PCDHGB1: variants seen among roughly 807,000 people sequenced by gnomAD.
PCDHGB1 encodes protocadherin gamma-B1.
In PCDHGB1, 34 loss-of-function variants were observed where a neutral mutation model predicts 56.6. The ratio of observed to expected loss-of-function variants is 0.60; its 90% CI spans 0.46 to 0.80. The LOEUF (loss-of-function observed/expected upper bound fraction) is 0.80. PCDHGB1 is among the 30% of genes least tolerant of loss of function. The pLI is 0.00. For missense variants in PCDHGB1, 1,278 were observed against 1,204.6 expected, an observed-to-expected ratio of 1.06 and a Z score of -0.90; for synonymous variants, 561 against 505.9, an observed-to-expected ratio of 1.11 and a Z score of -1.46.
Position 141,450,006 on chromosome 5 carries a change from C to CTATTTTTT in PCDHGB1, c.2410-44800_2410-44799insATTTTTTT, listed in dbSNP as rs70988802. Among the ~76,000 whole-genome samples the CTATTTTTT allele has an allele frequency of 4.4e-4, 58 of 132,942 alleles. 2 individuals carry two copies. The highest frequency in any genetic ancestry group is 8.4e-4 in the African/African-American group (30 of 35,608). The allele number at this position is 132,942 out of a possible 152,430, so 87.2% of individuals were successfully genotyped here. A position where few individuals can be genotyped will look rare whatever the true frequency, so the allele number is the denominator to read the frequency against. ...CACATTGCATTTAGTTGCCATGTCT[C>CTATTTTTT]TTTTTTTTTTTTTTTTTTGAGACAG... On this transcript the variant is annotated intron_variant, in intron 1 of 3. Coordinates refer to ENST00000523390, the MANE Select transcript of PCDHGB1 (RefSeq NM_018922.3).
At chr5:141,465,337 G>GCC (rs2099101328) in intron 1 of PCDHGB1, among the ~76,000 whole-genome samples, 6 of 151,962 alleles carry the variant, frequency 3.9e-5, no homozygotes, top group Admixed American at 2.6e-4. Flanking sequence ...TTTTTATATT[G>GCC]GTTACTGAAG....
intron 1 of PCDHGB1, chr5:141,371,080 G>A: frequency 1.2e-6 from 2 of 1,613,876 alleles, no homozygotes; most frequent in Non-Finnish European, 1.7e-6. Flanking sequence ...ACCCAGATCA[G>A]GGTAATTGTC....
chr5:141,505,583 T>A, intron 3 of PCDHGB1, 102 bp downstream of exon 3: 1 of 1,583,650 alleles, frequency 6.3e-7, no homozygotes, highest in Non-Finnish European at 8.6e-7. Context: ...ACCTGTGTAG[T>A]TTCTCCAGAT....
chr5:141,406,186 C>T (rs1263856724), intron 1 of PCDHGB1, among the ~76,000 whole-genome samples: 2 of 151,978 alleles, frequency 1.3e-5, no homozygotes, highest in South Asian at 2.1e-4. Context: ...AATCCTCCCA[C>T]CTCAGCCTTC....
At chr5:141,509,143 C>T (rs1022878562) in intron 3 of PCDHGB1, among the ~76,000 whole-genome samples, 9 of 152,138 alleles carry the variant, frequency 5.9e-5, no homozygotes, top group Non-Finnish European at 1.0e-4. Flanking sequence ...AGGCGCATCC[C>T]GGCTCTCCCC....
chr5:141,447,689 AG>A lies in PCDHGB1; in HGVS notation c.2410-47115del, dbSNP rs145694922. ...TTAGAACTGTTCCATATCTTGATAGAGGGATGGGTTATAAGGATGTACACAT... is the reference window on the plus strand; with the variant it reads ...TTAGAACTGTTCCATATCTTGATAGAGGATGGGTTATAAGGATGTACACAT... On this transcript the variant is annotated intron_variant, in intron 1 of 3. Coordinates refer to ENST00000523390, the MANE Select transcript of PCDHGB1 (RefSeq NM_018922.3). Among the ~76,000 whole-genome samples the A allele has an allele frequency of 4.6e-3, 694 of 152,302 alleles. 4 individuals are homozygous for A. The highest frequency in any genetic ancestry group is 0.015 in the African/African-American group (633 of 41,566).
chr5:141,350,497 G>A lies in PCDHGB1; in HGVS notation c.237G>A (p.Gly79=). Reference sequence around the variant, plus strand: ...ATTTCAACGTTAGTTTGGAGAGCGGGGATTTGTTAGTGAACGGTAGGATAG... The same window carrying A: ...ATTTCAACGTTAGTTTGGAGAGCGGAGATTTGTTAGTGAACGGTAGGATAG... The part of the protein sequence containing the change: ...EDYFNVSLES[G]DLLVNGRIDR... The change falls in exon 1 of 4, where the codon GGG becomes GGA. Residue 79 remains glycine (G), a synonymous_variant. Coordinates refer to ENST00000523390, the MANE Select transcript of PCDHGB1 (RefSeq NM_018922.3). The A allele has an allele frequency of 6.2e-7, 1 of 1,613,990 alleles. No individual in the cohort carries two copies. The highest frequency in any genetic ancestry group is 8.5e-7 in the Non-Finnish European group (1 of 1,179,902).
At chr5:141,365,868 T>TC (rs764390051) in intron 1 of PCDHGB1, 1 of 1,614,024 alleles carries the variant, frequency 6.2e-7, no homozygotes, top group East Asian at 2.2e-5. Flanking sequence ...GACACCGGTG[T>TC]CCTGTATGCT....
rs766042374 is a variant in PCDHGB1 at position 141,418,520 on chromosome 5, C to A, written c.2409+65851C>A. ...GACCGCCTTAGATGGTGGGGACCCTCCCCGAAGCGGTACTGCTCAGATAAG... is the reference window on the plus strand; with the variant it reads ...GACCGCCTTAGATGGTGGGGACCCTACCCGAAGCGGTACTGCTCAGATAAG... On this transcript the variant is annotated intron_variant, in intron 1 of 3. Transcript: ENST00000523390. 6 of 1,613,818 alleles carry A rather than the reference C, an allele frequency of 3.7e-6. No individual in the cohort carries two copies. The highest frequency in any genetic ancestry group is 5.1e-6 in the Non-Finnish European group (6 of 1,179,890).
Position 141,352,371 on chromosome 5 carries a change from T to A in PCDHGB1, c.2111T>A (p.Ile704Asn), listed in dbSNP as rs756115221. The change falls in exon 1 of 4, where the codon ATT (isoleucine) becomes AAT (asparagine). Residue 704 changes from isoleucine (I) to asparagine (N), a missense_variant. Transcript: ENST00000523390. Reference protein sequence around the residue: ...LISVLFLLAVILAIALRLRRS... With the variant: ...LISVLFLLAVNLAIALRLRRS... ...TCAGTGCTCTTTCTCCTCGCGGTGA[T>A]TCTAGCGATCGCCCTGCGCCTGCGA... 3 of 1,613,942 alleles carry A rather than the reference T, an allele frequency of 1.9e-6. No homozygotes were observed. The Admixed American group carries it at 5.0e-5, about 27-fold the overall frequency.
intron 1 of PCDHGB1, among the ~76,000 whole-genome samples, chr5:141,471,996 G>A (rs2099268647): frequency 6.6e-6 from 1 of 152,006 alleles, no homozygotes; most frequent in Admixed American, 6.6e-5. Context: ...AAAAATCCCT[G>A]CATCGTATAG....
In PCDHGB1 at chr5:141,422,867, T is replaced by C. The variant is rs116031289; in HGVS notation, c.2409+70198T>C. On this transcript the variant is annotated intron_variant, in intron 1 of 3. Coordinates refer to ENST00000523390, the MANE Select transcript of PCDHGB1 (RefSeq NM_018922.3). Reference sequence around the variant, plus strand: ...GGGGACCCGCCCCTCAGCAGCAACGTGTCGCTGAGCCTGTTCGTGCTGGAC... The same window carrying C: ...GGGGACCCGCCCCTCAGCAGCAACGCGTCGCTGAGCCTGTTCGTGCTGGAC... 1.5e-3 allele frequency: 2,464 copies of C among 1,614,218 alleles called. 37 individuals are homozygous for C. In the African/African-American group the frequency reaches 0.029, roughly 19 times the overall value.
rs372168887 is a variant in PCDHGB1, at chr5:141,477,322, C to T, written c.2410-17485C>T. On this transcript the variant is annotated intron_variant, in intron 1 of 3. Transcript: ENST00000523390. The surrounding 1 kb of genome is among the most constrained non-coding windows in gnomAD (Gnocchi z 4.9). The stretch of plus-strand genomic sequence containing the variant: ...GTCTCCCTTTCAGCCTTACTTCTTC[C>T]CTCAAGAATTACTTCACTTTGAAAA... 17 of 1,614,050 alleles carry T rather than the reference C, an allele frequency of 1.1e-5. No homozygotes were observed. In the African/African-American group the frequency reaches 1.5e-4, roughly 14 times the overall value.
At chr5:141,385,186 T>C in intron 1 of PCDHGB1, 1 of 1,614,218 alleles carries the variant, frequency 6.2e-7, no homozygotes. Context: ...CACCGCGGAC[T>C]CTCGGAAGAG....
At chr5:141,361,876 G>T in intron 1 of PCDHGB1, 1 of 1,610,918 alleles carries the variant, frequency 6.2e-7, no homozygotes, top group Non-Finnish European at 8.5e-7. Context: ...GGTGCCACGC[G>T]CCGCAGAGCC....
At chr5:141,392,303 A>G (rs2092505903) in intron 1 of PCDHGB1, 1 of 151,852 alleles carries the variant, frequency 6.6e-6, no homozygotes, top group South Asian at 2.1e-4. Context: ...TGAAAGTATC[A>G]TGTTTTTTTT....
At position 141,433,401 on chromosome 5, in the gene PCDHGB1, A is replaced by C. The variant is rs181247960; in HGVS notation, c.2410-61406A>C. ...TATCTATCTATCTATCTATCTATCT[A>C]TCTATTACTTTCTTGTACAGACAGG... On this transcript the variant is annotated intron_variant, in intron 1 of 3. Transcript: ENST00000523390. Among the ~76,000 whole-genome samples, 679 of 150,596 alleles carry C rather than the reference A, an allele frequency of 4.5e-3. 8 individuals carry two copies. The highest frequency in any genetic ancestry group is 0.015 in the African/African-American group (630 of 40,956).
chr5:141,356,397 A>G (rs746367214), intron 1 of PCDHGB1: 3 of 1,582,770 alleles, frequency 1.9e-6, no homozygotes, highest in African/African-American at 2.7e-5. Flanking sequence ...AGACCTATGG[A>G]AATTATTATC....
rs762259259 is a variant in PCDHGB1, at chr5:141,351,352, C to T, written c.1092C>T (p.Leu364=). ...EDSDLGTVIA[L]IKVRDKDSGQ... ...CAGACCTTGGAACTGTAATAGCCCTCATAAAAGTGCGAGACAAGGATTCTG... is the reference window on the plus strand; with the variant it reads ...CAGACCTTGGAACTGTAATAGCCCTTATAAAAGTGCGAGACAAGGATTCTG... The change falls in exon 1 of 4, where the codon CTC becomes CTT. Residue 364 remains leucine, a synonymous_variant. Transcript: ENST00000523390. The T allele has an allele frequency of 2.5e-6, 4 of 1,613,182 alleles. No homozygotes were observed. Among genetic ancestry groups the T allele is most frequent in the Non-Finnish European group, 3.4e-6 (4 of 1,179,490 alleles).
Sources: allele counts gnomAD v4.1 joint callset (sites outside exome capture counted in the v4.1 genomes callset), GRCh38; gene constraint gnomAD v4.1.1; non-coding constraint Gnocchi (gnomAD v3.1); transcripts MANE v1.5; gene names NCBI Gene and HGNC (gene_info 2026-07-23, HGNC 2026-07-21).